GLT8D2: variants seen among roughly 807,000 people sequenced by gnomAD.
The protein encoded by GLT8D2 is glycosyltransferase 8 domain containing 2, also known as glycosyltransferase 8 domain-containing protein 2.
Under a neutral mutation model 44.5 loss-of-function variants are expected in GLT8D2, and 45 were observed. The observed-to-expected ratio is 1.01, with a 90% CI of 0.80 to 1.30. The LOEUF is 1.30. Ranked by LOEUF, GLT8D2 falls within the 50% of genes most tolerant of loss-of-function variation. The pLI is 0.00. For missense variants in GLT8D2, 400 were observed against 430.4 expected (o/e 0.93, Z 0.62); for synonymous variants, 156 against 157.2 (o/e 0.99, Z 0.06).
rs1356439863 is a variant in GLT8D2, at chr12:103,994,172, GT to G, written c.767+162del. The G allele has an allele frequency of 1.1e-5, 6 of 547,954 alleles. No individual in the cohort carries two copies. The African/African-American group carries it at 1.1e-4, about 10-fold the overall frequency. 33.9% of individuals were successfully genotyped at this position (547,954 alleles called of 1,614,324 possible). ...TCTGATTTATATCTTTTGAGGAAAGGTTTTAATTGACTGCCCCCTTTTCTTT... is the reference window on the plus strand; with the variant it reads ...TCTGATTTATATCTTTTGAGGAAAGGTTTAATTGACTGCCCCCTTTTCTTT... On this transcript the variant is annotated intron_variant, in intron 9 of 10. Transcript: ENST00000360814.
At position 104,003,141 on chromosome 12, in the gene GLT8D2, C is replaced by T. The variant is rs751805819; in HGVS notation, c.278G>A (p.Arg93Gln). 2.3e-5 allele frequency: 37 copies of T among 1,613,302 alleles called. No individual in the cohort carries two copies. Among genetic ancestry groups the T allele is most frequent in the African/African-American group, 4.0e-5 (3 of 74,856 alleles). Reference protein sequence around the residue: ...YVVGLRNTLTRIRKWIEHSKL... With the variant: ...YVVGLRNTLTQIRKWIEHSKL... Reference sequence around the variant, plus strand: ...TCTGTAAGACATAACTTACCGTATTCGAGTCAGAGTATTCCGGAGTCCCAC... The same window carrying T: ...TCTGTAAGACATAACTTACCGTATTTGAGTCAGAGTATTCCGGAGTCCCAC... Residue 93 changes from arginine to glutamine, a missense_variant, in exon 5 of 11, where the codon CGA becomes CAA. By Grantham distance (43) the Arg-to-Gln change is conservative. Transcript: ENST00000360814.
intron 1 of GLT8D2, among the ~76,000 whole-genome samples, chr12:104,022,649 C>T (rs1293030794): frequency 2.6e-5 from 4 of 152,054 alleles, no homozygotes; most frequent in East Asian, 1.9e-4. Context: ...CAGCCCCACA[C>T]GAGTGTTCTG....
chr12:104,045,647 G>T (rs1881003899), intron 1 of GLT8D2, among the ~76,000 whole-genome samples: 1 of 152,142 alleles, frequency 6.6e-6, no homozygotes, highest in South Asian at 2.1e-4. Context: ...AAGAGTTTAG[G>T]CATGTGGCCA....
At chr12:104,009,979 T>G (rs1464062429) in intron 4 of GLT8D2, among the ~76,000 whole-genome samples, 1 of 151,730 alleles carries the variant, frequency 6.6e-6, no homozygotes, top group Non-Finnish European at 1.5e-5. Flanking sequence ...ATCAGCAGCA[T>G]GAAAACGGAC....
chr12:104,016,774 A>AGAAAGAAGGAAGGAAGGAAGGAAG (rs1566199645), intron 3 of GLT8D2, among the ~76,000 whole-genome samples: 1 of 58,396 alleles, frequency 1.7e-5, no homozygotes, highest in African/African-American at 8.1e-5. Flanking sequence ...AAAGAAAGAA[A>AGAAAGAAGGAAGGAAGGAAGGAAG]GAAGGAAGGA....
chr12:104,026,406 C>A (rs1026332970), intron 1 of GLT8D2, among the ~76,000 whole-genome samples: 1 of 152,056 alleles, frequency 6.6e-6, no homozygotes, highest in Non-Finnish European at 1.5e-5. Context: ...TCGATCTTTG[C>A]TTTATATTCT....
intron 3 of GLT8D2, among the ~76,000 whole-genome samples, chr12:104,016,897 A>G (rs1330781545): frequency 6.6e-6 from 1 of 152,064 alleles, no homozygotes; most frequent in Non-Finnish European, 1.5e-5. Context: ...ATAAAGAGAG[A>G]AAGAAAGAAA....
In GLT8D2 at chr12:103,999,500, T is replaced by C. The variant is rs1873922913; in HGVS notation, c.299A>G (p.His100Arg). 1 of 1,606,028 alleles carries C rather than the reference T, an allele frequency of 6.2e-7. No individual in the cohort carries two copies. Among genetic ancestry groups the C allele is most frequent in the Non-Finnish European group, 8.5e-7 (1 of 1,173,710 alleles). Residue 100 changes from histidine to arginine, a missense_variant, in exon 6 of 11, where the codon CAT (histidine) becomes CGT (arginine). Coordinates refer to ENST00000360814, the MANE Select transcript of GLT8D2 (RefSeq NM_001384711.1). ...TLTRIRKWIEHSKLREINFKI... is the reference protein window; with the variant it reads ...TLTRIRKWIERSKLREINFKI... ...AAAGTTTATTTCTCTCAGTTTGGAA[T>C]GTTCAATCCATTTTCTAAAAAGATG...
rs563757017 is a variant in GLT8D2 at position 104,038,400 on chromosome 12, C to T, written c.-164+11495G>A. Among the ~76,000 whole-genome samples the T allele has an allele frequency of 5.6e-3, 855 of 152,296 alleles. 10 individuals carry two copies. The highest frequency in any genetic ancestry group is 0.018 in the African/African-American group (765 of 41,546). On this transcript the variant is annotated intron_variant, in intron 1 of 10. Transcript: ENST00000360814. Reference sequence around the variant, plus strand: ...TGATTGTGCATTTAGAAAACCCCATCGTCTCAGCCCATAATCTCCTTAAGC... The same window carrying T: ...TGATTGTGCATTTAGAAAACCCCATTGTCTCAGCCCATAATCTCCTTAAGC...
At position 103,989,285 on chromosome 12, in the gene GLT8D2, T is replaced by C; in HGVS notation, c.*123A>G. The stretch of plus-strand genomic sequence containing the variant: ...AGGTATAATTTGCACACAGTAGTTT[T>C]TGGTTTTTATATTGTGGATCATATG... On this transcript the variant is annotated 3_prime_UTR_variant, in exon 11 of 11. Coordinates refer to ENST00000360814, the MANE Select transcript of GLT8D2 (RefSeq NM_001384711.1). The C allele has an allele frequency of 1.3e-6, 1 of 792,416 alleles. No homozygotes were observed. The highest frequency in any genetic ancestry group is 2.7e-5 in the East Asian group (1 of 36,714). The allele number at this position is 792,416 out of a possible 1,614,324, so 49.1% of individuals were successfully genotyped here.
chr12:104,006,028 A>G (rs1874952329), intron 4 of GLT8D2, among the ~76,000 whole-genome samples: 2 of 152,206 alleles, frequency 1.3e-5, no homozygotes. Context: ...TGTGGCACAT[A>G]TACACCATGG....
At position 103,997,468 on chromosome 12, in the gene GLT8D2, T is replaced by A. The variant is rs771436532; in HGVS notation, c.470A>T (p.Asp157Val). 1 of 1,612,778 alleles carries A rather than the reference T, an allele frequency of 6.2e-7. No homozygotes were observed. The highest frequency in any genetic ancestry group is 8.5e-7 in the Non-Finnish European group (1 of 1,178,732). ...GAGAGTACCTTGTACAATTACATCA[T>A]CGTCCAAATAGATGACTTTCTCGTG... ...HQHEKVIYLD[D>V]DVIVQGDIQE... The change falls in exon 7 of 11, where the codon GAT becomes GTT. Residue 157 changes from aspartate (D) to valine (V), a missense_variant. By Grantham distance (152) the Asp-to-Val change is radical. Coordinates refer to ENST00000360814, the MANE Select transcript of GLT8D2 (RefSeq NM_001384711.1).
intron 1 of GLT8D2, among the ~76,000 whole-genome samples, chr12:104,058,896 C>T (rs1882401089): frequency 6.6e-6 from 1 of 152,182 alleles, no homozygotes; most frequent in Admixed American, 6.5e-5. Context: ...TGCCTAAAAC[C>T]ACGGATAGCA....
rs1228760995 is a variant in GLT8D2 at position 104,014,998 on chromosome 12, T to C, written c.112+15A>G. 6.3e-7 allele frequency: 1 copy of C among 1,579,416 alleles called. No individual in the cohort carries two copies. Among genetic ancestry groups the C allele is most frequent in the South Asian group, 1.1e-5 (1 of 90,268 alleles). On this transcript the variant is annotated intron_variant, in intron 4 of 10. Coordinates refer to ENST00000360814, the MANE Select transcript of GLT8D2 (RefSeq NM_001384711.1). ...TCCTGGGTATCCCAACTCAATGAAT[T>C]CCATGTCTGCTCACCTGCGTCATTC... is the stretch of plus-strand genomic sequence containing the variant.
rs201364126 is a variant in GLT8D2 at position 104,016,779 on chromosome 12, G to GA, written c.20-1675dup. Among the ~76,000 whole-genome samples the GA allele has an allele frequency of 2.3e-3, 169 of 73,012 alleles. 2 individuals are homozygous for GA. The highest frequency in any genetic ancestry group is 0.023 in the East Asian group (53 of 2,346). 47.9% of individuals were successfully genotyped at this position (73,012 alleles called of 152,430 possible). A position where few individuals can be genotyped will look rare whatever the true frequency, so the allele number is the denominator to read the frequency against. ...AGAAAGAAAGAAAGAAAGAAAGAAG[G>GA]AAGGAAGGAAGGAAGGAAGGAAGGA... On this transcript the variant is annotated intron_variant, in intron 3 of 10. Transcript: ENST00000360814.
chr12:104,020,406 G>A (rs1472759563), intron 2 of GLT8D2, among the ~76,000 whole-genome samples: 3 of 152,006 alleles, frequency 2.0e-5, no homozygotes, highest in South Asian at 2.1e-4. Flanking sequence ...AGAATCCCTT[G>A]GAGGGGCATG....
chr12:104,020,305 C>T (rs1052279400), intron 2 of GLT8D2, among the ~76,000 whole-genome samples: 1 of 152,126 alleles, frequency 6.6e-6, no homozygotes, highest in African/African-American at 2.4e-5. Flanking sequence ...GGAAGTATCA[C>T]ACTAGATCTC....
At chr12:103,990,295 G>T (rs1872597855) in intron 10 of GLT8D2, among the ~76,000 whole-genome samples, 1 of 151,666 alleles carries the variant, frequency 6.6e-6, no homozygotes, top group Non-Finnish European at 1.5e-5. Context: ...CCTCCTTAAT[G>T]AAAAATGGCA....
chr12:104,045,510 G>T (rs1056534736), intron 1 of GLT8D2, among the ~76,000 whole-genome samples: 1 of 152,152 alleles, frequency 6.6e-6, no homozygotes, highest in Non-Finnish European at 1.5e-5. Context: ...GAAGGTTGAG[G>T]TTCTAGGGCC....
Sources: allele counts gnomAD v4.1 joint callset (sites outside exome capture counted in the v4.1 genomes callset), GRCh38; gene constraint gnomAD v4.1.1; transcripts MANE v1.5; gene names NCBI Gene and HGNC (gene_info 2026-07-23, HGNC 2026-07-21).